The following TRMT2B variants were observed in gnomAD, a reference collection of about 807,000 sequenced individuals.
The protein encoded by TRMT2B is tRNA methyltransferase 2B, also known as tRNA (uracil-5-)-methyltransferase homolog B.
A neutral mutation model predicts 39.7 loss-of-function variants in TRMT2B; 34 were observed. That is an observed-to-expected ratio of 0.86 (90% CI 0.65 to 1.14). The LOEUF (loss-of-function observed/expected upper bound fraction) is 1.14. TRMT2B is among the 50% of genes most tolerant of loss of function. TRMT2B has a pLI of 0.00. For synonymous variants in TRMT2B, 132 were observed against 137.3 expected, an observed-to-expected ratio of 0.96 and a Z score of 0.27; for missense variants, 318 against 377.2, an observed-to-expected ratio of 0.84 and a Z score of 1.30.
Position 101,024,975 on chromosome X carries a change from C to T in TRMT2B, c.610-1359G>A, listed in dbSNP as rs188958071. 1.9e-3 allele frequency among the ~76,000 whole-genome samples: 210 copies of T among 108,471 alleles called. 1 individual carries two copies. The highest frequency in any genetic ancestry group is 6.7e-3 in the African/African-American group (199 of 29,817). 94.2% of individuals were successfully genotyped at this position (108,471 alleles called of 115,157 possible). A position where few individuals can be genotyped will look rare whatever the true frequency, so the allele number is the denominator to read the frequency against. On this transcript the variant is annotated intron_variant, in intron 7 of 13. Coordinates refer to ENST00000372936, the MANE Select transcript of TRMT2B (RefSeq NM_024917.6). ...TCTTACCACTGCACTCCAACCTGGG[C>T]AACCTGTGTCTCGGAAAAAAAAAAA... is the stretch of plus-strand genomic sequence containing the variant.
At position 101,021,093 on chromosome X, in the gene TRMT2B, C is replaced by T. The variant is rs201998689; in HGVS notation, c.1066+8G>A. On this transcript the variant is annotated splice_region_variant and intron_variant, in intron 10 of 13. Transcript: ENST00000372936. ...AGCATGCAGATTCTGCCCTGGGCTT[C>T]CACTTGCCAGTTCCACAGCAGATGT... The T allele has an allele frequency of 9.3e-4, 1,121 of 1,206,447 alleles. No individual in the cohort carries two copies. The highest frequency in any genetic ancestry group is 1.1e-3 in the Non-Finnish European group (955 of 893,015).
the TRMT2B span, among the ~76,000 whole-genome samples, chrX:100,987,730 A>G: frequency 8.9e-6 from 1 of 111,776 alleles, no homozygotes; most frequent in East Asian, 2.8e-4. Context: ...CAACATTGTT[A>G]GGTATACCCC....
Position 101,051,578 on chromosome X carries a change from G to A in TRMT2B, c.-351C>T, listed in dbSNP as rs1329214172. The A allele has an allele frequency of 6.6e-6, 5 of 753,130 alleles. No homozygotes were observed. The highest frequency in any genetic ancestry group is 2.3e-5 in the African/African-American group (1 of 43,336). The allele number at this position is 753,130 out of a possible 1,213,427, so 62.1% of individuals were successfully genotyped here. The stretch of plus-strand genomic sequence containing the variant: ...TAAACTTGGCCGGTCTGCAGGGCCC[G>A]GGAAGGACAGAAAGTAAGGGAGTGG... On this transcript the variant is annotated 5_prime_UTR_variant, in exon 2 of 14. Transcript: ENST00000372936.
intron 2 of TRMT2B, chrX:101,043,521 A>C (rs2088392036): frequency 8.9e-6 from 1 of 112,304 alleles, no homozygotes; most frequent in South Asian, 3.6e-4. Context: ...AGTGAGCCAA[A>C]ATCGTGCCAC....
At chrX:101,051,110 G>A in intron 2 of TRMT2B, 141 bp downstream of exon 2, 1 of 160,242 alleles carries the variant, frequency 6.2e-6, no homozygotes, top group Non-Finnish European at 1.0e-5. Context: ...CGTGTGAGCA[G>A]TCGTGCTCGA....
the TRMT2B span, among the ~76,000 whole-genome samples, chrX:100,993,889 G>A: frequency 3.6e-5 from 4 of 111,839 alleles, no homozygotes; most frequent in Admixed American, 1.9e-4. Flanking sequence ...AGGAATAACA[G>A]TGCCTACCTC....
rs2088267033 is a variant in TRMT2B at position 101,042,024 on chromosome X, C to T, written c.248+18G>A. On this transcript the variant is annotated intron_variant, in intron 3 of 13. Transcript: ENST00000372936. ...ATTGAGACCTGCTAAGGAGAGAGGA[C>T]ATCAGCCTGGCCTTTACCTTTCCTG... 8.3e-7 allele frequency: 1 copy of T among 1,209,368 alleles called. No individual in the cohort carries two copies. Among genetic ancestry groups the T allele is most frequent in the Non-Finnish European group, 1.1e-6 (1 of 894,166 alleles).
chrX:100,993,131 C>G, the TRMT2B span, among the ~76,000 whole-genome samples: 1 of 112,042 alleles, frequency 8.9e-6, no homozygotes, highest in Non-Finnish European at 1.9e-5. Flanking sequence ...TACAGAGCCT[C>G]TGGTCCAACC....
chrX:101,006,184 C>T (rs1041157342), downstream of TRMT2B, among the ~76,000 whole-genome samples: 4 of 104,860 alleles, frequency 3.8e-5, no homozygotes, highest in East Asian at 9.4e-4. Context: ...GAGCCGAGAT[C>T]GCGCTGCTGC....
the TRMT2B span, among the ~76,000 whole-genome samples, chrX:100,981,505 CATG>C: frequency 9.1e-6 from 1 of 109,947 alleles, no homozygotes; most frequent in East Asian, 2.9e-4. Context: ...CTTTCCTTGA[CATG>C]ATGTTATAAC....
intron 8 of TRMT2B, among the ~76,000 whole-genome samples, chrX:101,022,434 A>C: frequency 9.0e-6 from 1 of 110,957 alleles, no homozygotes; most frequent in Admixed American, 9.7e-5. Flanking sequence ...CAGCCTGGCC[A>C]ACATGGTGAA....
At chrX:100,988,585 G>C in the TRMT2B span, 1 of 954,912 alleles carries the variant, frequency 1.0e-6, no homozygotes, top group South Asian at 2.7e-5. Context: ...GGTTAGAGAA[G>C]AAAATTTACA....
In TRMT2B at chrX:101,010,573, G is replaced by C; in HGVS notation, c.*8C>G. 2 of 1,210,543 alleles carry C rather than the reference G, an allele frequency of 1.7e-6. No homozygotes were observed. Among genetic ancestry groups the C allele is most frequent in the Non-Finnish European group, 2.2e-6 (2 of 894,882 alleles). On this transcript the variant is annotated 3_prime_UTR_variant, in exon 14 of 14. Coordinates refer to ENST00000372936, the MANE Select transcript of TRMT2B (RefSeq NM_024917.6). ...TAACAAATAGCCTGCTGTCTTCTAG[G>C]AGGCTGCTTATCGAGTAAAGAGGAG... is the stretch of plus-strand genomic sequence containing the variant.
At chrX:100,985,581 T>G in the TRMT2B span, 3 of 1,090,814 alleles carry the variant, frequency 2.8e-6, no homozygotes, top group Non-Finnish European at 3.7e-6. Context: ...GACAACTGCA[T>G]GAAATCGGAA....
chrX:101,048,659 C>T (rs1327168213), intron 2 of TRMT2B, among the ~76,000 whole-genome samples: 1 of 111,887 alleles, frequency 8.9e-6, no homozygotes, highest in African/African-American at 3.2e-5. Flanking sequence ...ACCCTGGTCT[C>T]GAACTCCTGA....
At chrX:100,982,470 A>AAAATAAATAAATAAATAAAT in the TRMT2B span, among the ~76,000 whole-genome samples, 1 of 91,277 alleles carries the variant, frequency 1.1e-5, no homozygotes, top group African/African-American at 4.0e-5. Context: ...CCAGGCTTAA[A>AAAATAAATAAATAAATAAAT]AAATAAATAA....
chrX:101,001,146 G>C, the TRMT2B span, among the ~76,000 whole-genome samples: 6 of 110,798 alleles, frequency 5.4e-5, no homozygotes, highest in South Asian at 1.9e-3. Flanking sequence ...TAGAATCACC[G>C]GGCAGGGTGG....
downstream of TRMT2B, among the ~76,000 whole-genome samples, chrX:101,006,960 G>T (rs2147985947): frequency 9.0e-6 from 1 of 111,634 alleles, no homozygotes; most frequent in African/African-American, 3.2e-5. Context: ...TATGCACTGG[G>T]AAACCATAAA....
At chrX:101,050,183 C>T (rs2088971198) in intron 2 of TRMT2B, among the ~76,000 whole-genome samples, 1 of 112,033 alleles carries the variant, frequency 8.9e-6, no homozygotes, top group African/African-American at 3.2e-5. Context: ...CAGGAGGGTC[C>T]TTGTCCATCT....
Sources: allele counts gnomAD v4.1 joint callset (sites outside exome capture counted in the v4.1 genomes callset), GRCh38; gene constraint gnomAD v4.1.1; transcripts MANE v1.5; gene names NCBI Gene and HGNC (gene_info 2026-07-23, HGNC 2026-07-21).